RBFOX3: variants seen among roughly 807,000 people sequenced by gnomAD.
RBFOX3 encodes the protein RNA binding fox-1 homolog 3.
In RBFOX3, 17 loss-of-function variants were observed where a neutral mutation model predicts 48.7. That is an observed-to-expected ratio of 0.35 (90% confidence interval 0.24 to 0.52). The LOEUF is 0.52. Among genes scored for constraint, RBFOX3 ranks in the 20% least tolerant of loss-of-function variants. RBFOX3 has a pLI of 0.94. For missense variants in RBFOX3, 382 were observed against 497.5 expected, an observed-to-expected ratio of 0.77 and a Z score of 2.21; for synonymous variants, 212 against 209.5, an observed-to-expected ratio of 1.01 and a Z score of -0.10.
At chr17:79,374,625 C>T (rs1458587151) in intron 2 of RBFOX3, among the ~76,000 whole-genome samples, 4 of 152,230 alleles carry the variant, frequency 2.6e-5, no homozygotes, top group Non-Finnish European at 5.9e-5. Context: ...GGCACACGCA[C>T]GGCACATGTG....
intron 1 of RBFOX3, among the ~76,000 whole-genome samples, chr17:79,588,484 C>T (rs1208714380): frequency 6.6e-6 from 1 of 152,146 alleles, no homozygotes; most frequent in Non-Finnish European, 1.5e-5. Flanking sequence ...AGTAGTTGAC[C>T]AAGGTACTGA....
At chr17:79,523,903 A>G (rs1173239059) in intron 1 of RBFOX3, among the ~76,000 whole-genome samples, 4 of 152,176 alleles carry the variant, frequency 2.6e-5, no homozygotes, top group African/African-American at 7.2e-5. Context: ...CACACCGTGT[A>G]TCTCAGTCTC....
At chr17:79,185,568 C>T (rs535289775) in intron 4 of RBFOX3, among the ~76,000 whole-genome samples, 1 of 152,276 alleles carries the variant, frequency 6.6e-6, no homozygotes, top group South Asian at 2.1e-4. Context: ...TGTCCGTCAC[C>T]ACTGCCCTGC....
At chr17:79,344,252 C>T (rs1388623652) in intron 2 of RBFOX3, among the ~76,000 whole-genome samples, 2 of 152,118 alleles carry the variant, frequency 1.3e-5, no homozygotes, top group African/African-American at 4.8e-5. Flanking sequence ...AATATATCTT[C>T]CAAAAAAATT....
chr17:79,377,758 C>A (rs539903597), intron 2 of RBFOX3, among the ~76,000 whole-genome samples: 1 of 152,116 alleles, frequency 6.6e-6, no homozygotes, highest in African/African-American at 2.4e-5. Context: ...ACTGCAGAAG[C>A]CCACGGCTTT....
chr17:79,100,995 T>C (rs999997409), intron 9 of RBFOX3, among the ~76,000 whole-genome samples: 2 of 152,132 alleles, frequency 1.3e-5, no homozygotes, highest in African/African-American at 4.8e-5. Context: ...GTTACTGTAA[T>C]CACATCCTCC....
chr17:79,329,111 C>T (rs1224885266), intron 2 of RBFOX3, among the ~76,000 whole-genome samples: 1 of 152,182 alleles, frequency 6.6e-6, no homozygotes, highest in Non-Finnish European at 1.5e-5. Flanking sequence ...TAAATCCCAG[C>T]CCTGGCTCCC....
intron 2 of RBFOX3, among the ~76,000 whole-genome samples, chr17:79,461,280 A>G (rs2075332091): frequency 1.3e-5 from 2 of 152,196 alleles, no homozygotes; most frequent in South Asian, 4.1e-4. Flanking sequence ...AGTCATGAGA[A>G]CTCAGCCCAT....
At chr17:79,509,465 G>C (rs1205940332) in intron 1 of RBFOX3, among the ~76,000 whole-genome samples, 1 of 151,958 alleles carries the variant, frequency 6.6e-6, no homozygotes, top group Non-Finnish European at 1.5e-5. Context: ...GAAACACTTG[G>C]GGAGCTTGGA....
intron 2 of RBFOX3, among the ~76,000 whole-genome samples, chr17:79,367,567 C>T (rs146160875): frequency 6.6e-6 from 1 of 152,272 alleles, no homozygotes; most frequent in East Asian, 1.9e-4. Context: ...GAAGAGTCCG[C>T]TTTCCCTGGT....
rs114505504 is a variant in RBFOX3, at chr17:79,431,780, C to T, written c.-175+50674G>A. Reference sequence around the variant, plus strand: ...GATTATAGGCGTGAGCCACAGCGCCCGGCCCACATTTTCATCAACTGAACA... The same window carrying T: ...GATTATAGGCGTGAGCCACAGCGCCTGGCCCACATTTTCATCAACTGAACA... On this transcript the variant is annotated intron_variant, in intron 2 of 14. Coordinates refer to ENST00000693108, the MANE Select transcript of RBFOX3 (RefSeq NM_001350451.2). Among the ~76,000 whole-genome samples, 768 of 152,328 alleles carry T rather than the reference C, an allele frequency of 5.0e-3. 8 individuals carry two copies. The highest frequency in any genetic ancestry group is 0.018 in the African/African-American group (734 of 41,574).
intron 2 of RBFOX3, among the ~76,000 whole-genome samples, chr17:79,434,436 C>T (rs1438485191): frequency 6.6e-6 from 1 of 152,166 alleles, no homozygotes; most frequent in Non-Finnish European, 1.5e-5. Context: ...ACCCAGAGAA[C>T]CCATGCCCCC....
chr17:79,360,164 A>ACG (rs2086033831), intron 2 of RBFOX3, among the ~76,000 whole-genome samples: 1 of 151,864 alleles, frequency 6.6e-6, no homozygotes. Flanking sequence ...CTCATGAAAC[A>ACG]AAAATACTTC....
chr17:79,211,424 G>A (rs2058365775), intron 4 of RBFOX3, among the ~76,000 whole-genome samples: 1 of 152,228 alleles, frequency 6.6e-6, no homozygotes, highest in Non-Finnish European at 1.5e-5. Context: ...TAAATGGAAG[G>A]GTCCTTAATC....
chr17:79,381,431 C>A (rs1440950864), intron 2 of RBFOX3, among the ~76,000 whole-genome samples: 1 of 152,166 alleles, frequency 6.6e-6, no homozygotes, highest in Non-Finnish European at 1.5e-5. Context: ...GCGCGTGTGT[C>A]CCCATCACAG....
At chr17:79,304,499 T>C (rs112837715) in intron 3 of RBFOX3, among the ~76,000 whole-genome samples, 3,853 of 150,670 alleles carry the variant, frequency 0.026, 60 homozygotes, top group Non-Finnish European at 0.038. Flanking sequence ...TTCATACTCT[T>C]ATGTGTTAAA....
intron 2 of RBFOX3, among the ~76,000 whole-genome samples, chr17:79,340,799 G>C (rs2081968713): frequency 6.6e-6 from 1 of 152,144 alleles, no homozygotes; most frequent in Non-Finnish European, 1.5e-5. Flanking sequence ...AACCATGAAA[G>C]CAAATTCCTC....
chr17:79,354,287 G>A (rs72849655), intron 2 of RBFOX3, among the ~76,000 whole-genome samples: 11,973 of 152,206 alleles, frequency 0.079, 600 homozygotes, highest in South Asian at 0.18. Context: ...CGGTGTCACC[G>A]CCCTAAAGAG....
chr17:79,281,140 C>G (rs555914847), intron 3 of RBFOX3, among the ~76,000 whole-genome samples: 3 of 152,230 alleles, frequency 2.0e-5, no homozygotes, highest in Admixed American at 1.3e-4. Flanking sequence ...TTGGGAGCTT[C>G]GCGTGTCTTC....
Sources: gnomAD v4.1 joint callset for allele counts (sites outside exome capture counted in the v4.1 genomes callset) on GRCh38, gnomAD v4.1.1 for gene constraint, MANE v1.5 for transcripts, NCBI Gene and HGNC (gene_info 2026-07-23, HGNC 2026-07-21) for gene names.